RBFOX1: variants seen among roughly 807,000 people sequenced by gnomAD.
The protein encoded by RBFOX1 is RNA binding protein fox-1 homolog 1.
A neutral mutation model predicts 57.7 loss-of-function variants in RBFOX1; 8 were observed. The observed-to-expected ratio is 0.14, with a 90% CI of 0.08 to 0.25. The LOEUF is 0.25. Ranked by LOEUF, RBFOX1 falls within the 10% of genes least tolerant of loss-of-function variation. RBFOX1 has a pLI of 1.00. For synonymous variants in RBFOX1, 326 were observed against 222.4 expected (o/e 1.47, Z -4.15); for missense variants, 611 against 548.5 (o/e 1.11, Z -1.14).
intron 3 of RBFOX1, among the ~76,000 whole-genome samples, chr16:6,749,721 G>C (rs2074534871): frequency 6.6e-6 from 1 of 152,184 alleles, no homozygotes; most frequent in East Asian, 1.9e-4. Context: ...GCAGTGCACA[G>C]ATTCTTGCTT....
intron 2 of RBFOX1, among the ~76,000 whole-genome samples, chr16:6,328,132 G>A (rs1033289277): frequency 3.3e-5 from 5 of 152,304 alleles, no homozygotes; most frequent in African/African-American, 1.2e-4. Flanking sequence ...TGAATTAGTG[G>A]CTTTTTCAGC....
At chr16:6,825,770 A>G (rs1283978235) in intron 3 of RBFOX1, among the ~76,000 whole-genome samples, 1 of 152,154 alleles carries the variant, frequency 6.6e-6, no homozygotes, top group Non-Finnish European at 1.5e-5. Context: ...GGTCCTGAAG[A>G]CACGCAGCTA....
chr16:5,306,861 C>A (rs968055727), intron 1 of RBFOX1, among the ~76,000 whole-genome samples: 1 of 152,188 alleles, frequency 6.6e-6, no homozygotes, highest in African/African-American at 2.4e-5. Flanking sequence ...CCTCCATGTT[C>A]TCTGCTATCA....
chr16:7,254,089 C>A (rs905320186), intron 4 of RBFOX1, among the ~76,000 whole-genome samples: 1 of 152,074 alleles, frequency 6.6e-6, no homozygotes, highest in Middle Eastern at 3.2e-3. Flanking sequence ...GCTAAGAATG[C>A]CCTTTACTTC....
chr16:5,672,833 G>T (rs1376644297), intron 3 of RBFOX1, among the ~76,000 whole-genome samples: 3 of 150,954 alleles, frequency 2.0e-5, no homozygotes, highest in African/African-American at 7.3e-5. Flanking sequence ...AGAGAGGGAT[G>T]ATCAGAAATC....
At chr16:7,600,177 C>G (rs1378745107) in intron 9 of RBFOX1, among the ~76,000 whole-genome samples, 1 of 152,192 alleles carries the variant, frequency 6.6e-6, no homozygotes, top group African/African-American at 2.4e-5. Flanking sequence ...ATGGGTCTGT[C>G]ATCCACGTAC....
chr16:7,636,649 G>A (rs1427691906), intron 11 of RBFOX1, among the ~76,000 whole-genome samples: 1 of 152,192 alleles, frequency 6.6e-6, no homozygotes, highest in Non-Finnish European at 1.5e-5. Flanking sequence ...GTATCAGTCA[G>A]TTTGGGCTGC....
At chr16:6,900,572 T>G (rs2068218492) in intron 3 of RBFOX1, among the ~76,000 whole-genome samples, 1 of 152,192 alleles carries the variant, frequency 6.6e-6, no homozygotes, top group Non-Finnish European at 1.5e-5. Flanking sequence ...TTTCAGAGCC[T>G]TTTTAGTCTT....
chr16:7,397,247 G>C (rs2098156419), intron 4 of RBFOX1, among the ~76,000 whole-genome samples: 1 of 152,196 alleles, frequency 6.6e-6, no homozygotes, highest in South Asian at 2.1e-4. Context: ...TAGTAAGATA[G>C]AATTGTGTGT....
At chr16:6,763,894 A>G (rs1428496124) in intron 3 of RBFOX1, among the ~76,000 whole-genome samples, 1 of 152,206 alleles carries the variant, frequency 6.6e-6, no homozygotes, top group Non-Finnish European at 1.5e-5. Context: ...GCTTATGTTC[A>G]GGAACCTGTG....
intron 3 of RBFOX1, among the ~76,000 whole-genome samples, chr16:6,853,502 T>A (rs1373151181): frequency 3.9e-5 from 6 of 152,024 alleles, no homozygotes; most frequent in Admixed American, 3.9e-4. Context: ...TCGAGGACAA[T>A]CCCTGTCTGC....
intron 4 of RBFOX1, among the ~76,000 whole-genome samples, chr16:5,979,866 A>G (rs190236282): frequency 6.6e-6 from 1 of 152,144 alleles, no homozygotes; most frequent in Non-Finnish European, 1.5e-5. Flanking sequence ...GACTCAAAGA[A>G]AGAAAGAAAT....
At chr16:7,143,586 C>T (rs1397028576) in intron 4 of RBFOX1, among the ~76,000 whole-genome samples, 1 of 152,116 alleles carries the variant, frequency 6.6e-6, no homozygotes, top group Non-Finnish European at 1.5e-5. Flanking sequence ...TTCTCCCAGA[C>T]CTCCTTCTCA....
At chr16:5,742,201 GTCCTTCCTCCTT>G (rs1487687201) in intron 3 of RBFOX1, among the ~76,000 whole-genome samples, 3 of 149,412 alleles carry the variant, frequency 2.0e-5, no homozygotes, top group Non-Finnish European at 3.0e-5. Context: ...CCTTCCTCCA[GTCCTTCCTCCTT>G]TCCTTCCTCC....
At position 6,051,545 on chromosome 16, in the gene RBFOX1, T is replaced by C. The variant is rs553660191; in HGVS notation, c.-127+31553T>C. The stretch of plus-strand genomic sequence containing the variant: ...GGTTTCGCCATGTTGGCCAGGTTGG[T>C]CTTGAACTCCTGACCTCAAGTGATC... On this transcript the variant is annotated intron_variant, in intron 1 of 15. Coordinates refer to ENST00000550418, the MANE Select transcript of RBFOX1 (RefSeq NM_018723.4). Among the ~76,000 whole-genome samples, 8 of 152,236 alleles carry C rather than the reference T, an allele frequency of 5.3e-5. No homozygotes were observed. In the South Asian group the frequency reaches 1.7e-3, roughly 32 times the overall value.
At chr16:5,893,868 G>T (rs533844011) in intron 4 of RBFOX1, among the ~76,000 whole-genome samples, 1 of 151,814 alleles carries the variant, frequency 6.6e-6, no homozygotes, top group Non-Finnish European at 1.5e-5. Flanking sequence ...TACAAAAATT[G>T]AAGATTAAAC....
chr16:7,570,750 G>A (rs144128769), intron 5 of RBFOX1, among the ~76,000 whole-genome samples: 7 of 152,152 alleles, frequency 4.6e-5, no homozygotes, highest in African/African-American at 1.2e-4. Context: ...TATACCAAAG[G>A]AATATAAATC....
chr16:5,494,091 G>T (rs1348026410), intron 2 of RBFOX1, among the ~76,000 whole-genome samples: 1 of 152,158 alleles, frequency 6.6e-6, no homozygotes, highest in East Asian at 1.9e-4. Context: ...GTTCCTTTCT[G>T]CTTGTCCTTA....
At chr16:6,883,470 C>T (rs534305211) in intron 3 of RBFOX1, among the ~76,000 whole-genome samples, 2 of 152,308 alleles carry the variant, frequency 1.3e-5, no homozygotes, top group East Asian at 3.9e-4. Flanking sequence ...GCACTAGCCG[C>T]TTTCTCTTAG....
Sources: gnomAD v4.1 joint callset for allele counts (sites outside exome capture counted in the v4.1 genomes callset) on GRCh38, gnomAD v4.1.1 for gene constraint, MANE v1.5 for transcripts, NCBI Gene and HGNC (gene_info 2026-07-23, HGNC 2026-07-21) for gene names.